The following CREBRF variants were observed in gnomAD, a reference collection of about 807,000 sequenced individuals.
The protein encoded by CREBRF is CREB3 regulatory factor, also known as UPF0474 protein C5orf41.
A neutral mutation model predicts 66.1 loss-of-function variants in CREBRF; 5 were observed. That is an observed-to-expected ratio of 0.08 (90% CI 0.04 to 0.16). The LOEUF (loss-of-function observed/expected upper bound fraction) is 0.16, where lower values mean the gene tolerates loss of function less well. CREBRF is among the 10% of genes least tolerant of loss of function. The pLI is 1.00. For synonymous variants in CREBRF, 229 were observed against 264.4 expected, an observed-to-expected ratio of 0.87 and a Z score of 1.30; for missense variants, 531 against 744.9, an observed-to-expected ratio of 0.71 and a Z score of 3.34.
chr5:173,056,914 A>C (rs1406367311), intron 1 of CREBRF, among the ~76,000 whole-genome samples: 1 of 148,668 alleles, frequency 6.7e-6, no homozygotes, highest in Non-Finnish European at 1.5e-5. Flanking sequence ...GGGAGGCGAG[A>C]CTGGCGGGGG....
chr5:173,069,612 A>G (rs1239592343), intron 1 of CREBRF, among the ~76,000 whole-genome samples: 3 of 151,980 alleles, frequency 2.0e-5, no homozygotes, highest in Non-Finnish European at 2.9e-5. Flanking sequence ...GTGAGCCACC[A>G]TGCCTGGCCA....
intron 1 of CREBRF, chr5:173,060,155 CTG>C (rs1162313607): frequency 1.3e-5 from 2 of 151,446 alleles, no homozygotes; most frequent in African/African-American, 4.9e-5. Flanking sequence ...ACTGAAATCA[CTG>C]TTTGCTTTTA....
intron 8 of CREBRF, among the ~76,000 whole-genome samples, chr5:173,131,907 A>G (rs1270640440): frequency 2.0e-5 from 3 of 148,368 alleles, no homozygotes; most frequent in Non-Finnish European, 4.5e-5. Context: ...TAATTTTTGT[A>G]TTTTTAGTAA....
At chr5:173,092,641 G>T (rs1234820213) in intron 4 of CREBRF, among the ~76,000 whole-genome samples, 1 of 152,130 alleles carries the variant, frequency 6.6e-6, no homozygotes, top group African/African-American at 2.4e-5. Context: ...AATGATGATT[G>T]CTGGAATTTC....
intron 1 of CREBRF, among the ~76,000 whole-genome samples, chr5:173,061,523 G>A (rs536071091): frequency 3.4e-4 from 52 of 152,228 alleles, no homozygotes; most frequent in African/African-American, 1.2e-3. Context: ...AAAAACTTTG[G>A]CCCTAAGATA....
At chr5:173,084,032 G>C (rs2113717383) in intron 2 of CREBRF, among the ~76,000 whole-genome samples, 1 of 152,272 alleles carries the variant, frequency 6.6e-6, no homozygotes, top group African/African-American at 2.4e-5. Context: ...GTGTGGCCTA[G>C]AAAACAGAGG....
At chr5:173,127,562 C>T (rs1233767353) in intron 8 of CREBRF, among the ~76,000 whole-genome samples, 1 of 151,382 alleles carries the variant, frequency 6.6e-6, no homozygotes, top group Non-Finnish European at 1.5e-5. Context: ...CAGATTCAAG[C>T]GATTCTCCTG....
chr5:173,098,572 T>C (rs1758535777), intron 4 of CREBRF, among the ~76,000 whole-genome samples: 1 of 152,200 alleles, frequency 6.6e-6, no homozygotes, highest in Admixed American at 6.5e-5. Context: ...AGAGTATATA[T>C]TCTGCTGCTG....
Position 173,080,752 on chromosome 5 carries a change from G to A in CREBRF, c.-24G>A. 1 of 1,612,256 alleles carries A rather than the reference G, an allele frequency of 6.2e-7. No individual in the cohort carries two copies. The highest frequency in any genetic ancestry group is 8.5e-7 in the Non-Finnish European group (1 of 1,179,136). ...AAGAAAAAAAAGAAGTTTGGAATCG[G>A]ATTCACAGGATCTGGGCTTGGAAAT... is the stretch of plus-strand genomic sequence containing the variant. On this transcript the variant is annotated 5_prime_UTR_variant, in exon 2 of 9. Coordinates refer to ENST00000296953, the MANE Select transcript of CREBRF (RefSeq NM_153607.3).
intron 8 of CREBRF, 118 bp downstream of exon 8, chr5:173,123,320 T>C: frequency 1.1e-6 from 1 of 902,384 alleles, no homozygotes; most frequent in Non-Finnish European, 1.6e-6. Context: ...TCATTGTAAT[T>C]ACTCTCCTTT....
chr5:173,095,478 C>T (rs1006870444), intron 4 of CREBRF, among the ~76,000 whole-genome samples: 2 of 152,042 alleles, frequency 1.3e-5, no homozygotes, highest in East Asian at 1.9e-4. Flanking sequence ...CATGAGCCAC[C>T]GTGCCTGGCC....
At chr5:173,082,908 CAAAAAAAAAAAAAAAAAAAAAAA>C (rs70984937) in intron 2 of CREBRF, among the ~76,000 whole-genome samples, 9 of 28,984 alleles carry the variant, frequency 3.1e-4, no homozygotes, top group East Asian at 2.6e-3. Context: ...GACTCTGTCT[CAAAAAAAAAAAAAAAAAAAAAAA>C]AAAAAAAAAA....
intron 1 of CREBRF, among the ~76,000 whole-genome samples, chr5:173,059,280 T>TTTTTTTTTTC (rs1757190389): frequency 7.7e-6 from 1 of 130,632 alleles, no homozygotes; most frequent in African/African-American, 2.7e-5. Flanking sequence ...TTTTTTTTTT[T>TTTTTTTTTTC]TGAGACGGAG....
At chr5:173,125,459 C>A (rs74338817) in intron 8 of CREBRF, among the ~76,000 whole-genome samples, 1,775 of 152,284 alleles carry the variant, frequency 0.012, 25 homozygotes, top group South Asian at 0.072. Context: ...GACCTTGATA[C>A]TTCTCTGTTG....
chr5:173,056,696 C>T (rs1289284008), intron 1 of CREBRF, among the ~76,000 whole-genome samples: 1 of 152,022 alleles, frequency 6.6e-6, no homozygotes, highest in Admixed American at 6.5e-5. Context: ...CTCCCCCACC[C>T]CCGGCCCGGG....
In CREBRF at chr5:173,069,475, C is replaced by T. The variant is rs997497079; in HGVS notation, c.-191-11110C>T. ...AATACCTGGGATTACATGTGCGCCA[C>T]CACACCCAGCTAATTTTTGTATTGT... On this transcript the variant is annotated intron_variant, in intron 1 of 8. Transcript: ENST00000296953. 2.0e-5 allele frequency among the ~76,000 whole-genome samples: 3 copies of T among 152,046 alleles called. 1 individual carries two copies. The highest frequency in any genetic ancestry group is 7.2e-5 in the African/African-American group (3 of 41,420).
chr5:173,135,632 T>C lies in CREBRF; in HGVS notation c.*1887T>C, dbSNP rs1759565359. ...CACTGTAGGATTTCTTTTTTAATTA[T>C]ACTTTGACTATAAAGTGTCAAAGTA... On this transcript the variant is annotated 3_prime_UTR_variant, in exon 9 of 9. Coordinates refer to ENST00000296953, the MANE Select transcript of CREBRF (RefSeq NM_153607.3). The C allele has an allele frequency of 6.6e-6, 1 of 152,280 alleles. No homozygotes were observed. Among genetic ancestry groups the C allele is most frequent in the South Asian group, 2.1e-4 (1 of 4,838 alleles). 9.4% of individuals were successfully genotyped at this position (152,280 alleles called of 1,614,324 possible). A position where few individuals can be genotyped will look rare whatever the true frequency, so the allele number is the denominator to read the frequency against.
intron 1 of CREBRF, chr5:173,057,427 A>T (rs1757104175): frequency 6.6e-6 from 1 of 152,296 alleles, no homozygotes; most frequent in South Asian, 2.1e-4. Context: ...GAAGTAGCTC[A>T]GGGGAGCCTG....
At chr5:173,085,448 C>T (rs889884496) in intron 2 of CREBRF, 3 of 708,508 alleles carry the variant, frequency 4.2e-6, no homozygotes, top group African/African-American at 3.6e-5. Flanking sequence ...CGGAGTTTCG[C>T]TCTTGTTGCC....
Sources: gnomAD v4.1 joint callset for allele counts (sites outside exome capture counted in the v4.1 genomes callset) on GRCh38, gnomAD v4.1.1 for gene constraint, MANE v1.5 for transcripts, NCBI Gene and HGNC (gene_info 2026-07-23, HGNC 2026-07-21) for gene names.